The following GPR162 variants were observed in gnomAD, a reference collection of about 807,000 sequenced individuals.
GPR162 encodes the protein probable G protein-coupled receptor 162.
In GPR162, 26 loss-of-function variants were observed where a neutral mutation model predicts 44.9. That is an observed-to-expected ratio of 0.58 (90% CI 0.42 to 0.80). The LOEUF is 0.80. Among genes scored for constraint, GPR162 ranks in the 30% least tolerant of loss-of-function variants. The pLI, the probability that GPR162 is intolerant of heterozygous loss-of-function variation, is 0.00. For synonymous variants in GPR162, 363 were observed against 335.2 expected (o/e 1.08, Z -0.91); for missense variants, 704 against 802.3 (o/e 0.88, Z 1.48).
At position 6,826,499 on chromosome 12, in the gene GPR162, G is replaced by C. The variant is rs1236201110; in HGVS notation, c.1215+146G>C. 3.7e-6 allele frequency: 4 copies of C among 1,070,272 alleles called. No homozygotes were observed. In the African/African-American group the frequency reaches 6.3e-5, roughly 17 times the overall value. 66.3% of individuals were successfully genotyped at this position (1,070,272 alleles called of 1,614,324 possible). Reference sequence around the variant, plus strand: ...GTGAAAGAAAGCTATAGCAAGAGAGGCATCCCTTCAGACCTCGTGGGGCCA... The same window carrying C: ...GTGAAAGAAAGCTATAGCAAGAGAGCCATCCCTTCAGACCTCGTGGGGCCA... On this transcript the variant is annotated intron_variant, in intron 4 of 4. Transcript: ENST00000311268.
At position 6,825,674 on chromosome 12, in the gene GPR162, G is replaced by A; in HGVS notation, c.1057+1G>A. 1 of 1,562,448 alleles carries A rather than the reference G, an allele frequency of 6.4e-7. No individual in the cohort carries two copies. ...ATGTCTGAGGAGGATGGAGATGACG[G>A]TCAGAGGAGGGGCTGGGCTTTGGCT... On this transcript the variant is annotated splice_donor_variant, in intron 3 of 4. Coordinates refer to ENST00000311268, the MANE Select transcript of GPR162 (RefSeq NM_019858.2). LOFTEE classifies it high-confidence loss of function.
At position 6,824,495 on chromosome 12, in the gene GPR162, C is replaced by T; in HGVS notation, c.597C>T (p.Ala199=). ...TTGTCATGGGTCTGGTCTGTGTGGCCATCACCTTCTACCAGACACTGTGGG... is the reference window on the plus strand; with the variant it reads ...TTGTCATGGGTCTGGTCTGTGTGGCTATCACCTTCTACCAGACACTGTGGG... ...GGIVMGLVCV[A]ITFYQTLWAR... The change falls in exon 2 of 5, where the codon GCC becomes GCT. Residue 199 remains alanine, a synonymous_variant. Transcript: ENST00000311268. 3.7e-6 allele frequency: 6 copies of T among 1,613,560 alleles called. No homozygotes were observed. The highest frequency in any genetic ancestry group is 5.1e-6 in the Non-Finnish European group (6 of 1,179,804).
In GPR162 at chr12:6,827,130, G is replaced by C; in HGVS notation, c.1693G>C (p.Gly565Arg). The change falls in exon 5 of 5, where the codon GGT becomes CGT. Residue 565 changes from glycine to arginine, a missense_variant. Physicochemically the swap from Gly to Arg is moderately radical, Grantham distance 125 (BLOSUM62 -2). This residue lies in a region of GPR162 where 404 missense variants were observed against 314.1 expected (regional missense o/e 1.29). Coordinates refer to ENST00000311268, the MANE Select transcript of GPR162 (RefSeq NM_019858.2). ...AGGGAGACGCTGCTCCCTGACGGGG[G>C]GTGAAGAAAGTGCAAGGGCTTGGGG... ...SAGRRCSLTG[G>R]EESARAWGGS... 6.2e-7 allele frequency: 1 copy of C among 1,613,316 alleles called. No homozygotes were observed. The highest frequency in any genetic ancestry group is 8.5e-7 in the Non-Finnish European group (1 of 1,180,026).
intron 4 of GPR162, 107 bp downstream of exon 4, chr12:6,826,460 C>A: frequency 1.7e-6 from 2 of 1,209,550 alleles, no homozygotes; most frequent in Non-Finnish European, 2.3e-6. Context: ...GCTTTCAGGG[C>A]ACCATAGAGC....
rs1943340963 is a variant in GPR162 at position 6,825,375 on chromosome 12, G to A, written c.868-109G>A. The A allele has an allele frequency of 7.5e-6, 5 of 663,064 alleles. No individual in the cohort carries two copies. The Admixed American group carries it at 1.1e-4, about 14-fold the overall frequency. 41.1% of individuals were successfully genotyped at this position (663,064 alleles called of 1,614,324 possible). ...CGGCTTCGCCTCTGTTGGAGCACAG[G>A]GATCAGGCATTACTTCTGACGTCTT... is the stretch of plus-strand genomic sequence containing the variant. On this transcript the variant is annotated intron_variant, in intron 2 of 4. Coordinates refer to ENST00000311268, the MANE Select transcript of GPR162 (RefSeq NM_019858.2).
At position 6,827,257 on chromosome 12, in the gene GPR162, C is replaced by T; in HGVS notation, c.*53C>T. The T allele has an allele frequency of 1.4e-6, 2 of 1,418,686 alleles. No individual in the cohort carries two copies. The highest frequency in any genetic ancestry group is 2.7e-5 in the South Asian group (2 of 73,226). 87.9% of individuals were successfully genotyped at this position (1,418,686 alleles called of 1,614,324 possible). On this transcript the variant is annotated 3_prime_UTR_variant, in exon 5 of 5. Transcript: ENST00000311268. ...GAGAAAGCCTGAGTGAGTAACACCTCATTCTGGCCGAGAGTAGGGCAGCTG... is the reference window on the plus strand; with the variant it reads ...GAGAAAGCCTGAGTGAGTAACACCTTATTCTGGCCGAGAGTAGGGCAGCTG...
Position 6,823,705 on chromosome 12 carries a change from C to T in GPR162, c.-194C>T, listed in dbSNP as rs1555119490. On this transcript the variant is annotated 5_prime_UTR_variant, in exon 2 of 5. Transcript: ENST00000311268. ...ATTGCCTCTGCTGACCCTCAGTCTCCTCCCCTGCCCTCTACATCTGCCCTC... is the reference window on the plus strand; with the variant it reads ...ATTGCCTCTGCTGACCCTCAGTCTCTTCCCCTGCCCTCTACATCTGCCCTC... 5 of 1,562,342 alleles carry T rather than the reference C, an allele frequency of 3.2e-6. No homozygotes were observed. The highest frequency in any genetic ancestry group is 1.4e-5 in the African/African-American group (1 of 73,806).
intron 3 of GPR162, 138 bp downstream of exon 3, chr12:6,825,811 C>G: frequency 2.8e-6 from 2 of 721,712 alleles, no homozygotes; most frequent in Non-Finnish European, 4.6e-6. Context: ...GCTCCCCTTT[C>G]CCTAAGCAGG....
In GPR162 at chr12:6,826,342, C is replaced by T; in HGVS notation, c.1204C>T (p.His402Tyr). The T allele has an allele frequency of 6.2e-7, 1 of 1,612,770 alleles. No individual in the cohort carries two copies. The highest frequency in any genetic ancestry group is 1.7e-4 in the Middle Eastern group (1 of 6,058). ...GCTCTTCCCTCCTCTTGAGAGAGTC[C>T]ACTACTTACAGGTATGGAACTGGGG... ...HMLFPPLERV[H>Y]YLQVPLSRRL... is the part of the protein sequence containing the mutation. The change falls in exon 4 of 5, where the codon CAC (histidine) becomes TAC (tyrosine). Residue 402 changes from histidine (H) to tyrosine (Y), a missense_variant. Physicochemically the swap from His to Tyr is moderately conservative, Grantham distance 83. This residue lies in a region of GPR162 where 404 missense variants were observed against 314.1 expected (regional missense o/e 1.29). Coordinates refer to ENST00000311268, the MANE Select transcript of GPR162 (RefSeq NM_019858.2).
chr12:6,824,283 A>T lies in GPR162; in HGVS notation c.385A>T (p.Asn129Tyr). The change falls in exon 2 of 5, where the codon AAC (asparagine) becomes TAC (tyrosine). Residue 129 changes from asparagine to tyrosine, a missense_variant. Asn to Tyr is a moderately radical substitution (Grantham distance 143, BLOSUM62 -2). This residue lies in a region of GPR162 where 110 missense variants were observed against 206.2 expected (regional missense o/e 0.53). Transcript: ENST00000311268. ...CTGGCCCGTCAACTACCGCCTCAGCAACGCCAAGAAGCAGGCACTGCATGC... is the reference window on the plus strand; with the variant it reads ...CTGGCCCGTCAACTACCGCCTCAGCTACGCCAAGAAGCAGGCACTGCATGC... ...VRWPVNYRLS[N>Y]AKKQALHAVM... The T allele has an allele frequency of 6.2e-7, 1 of 1,614,112 alleles. No homozygotes were observed. Among genetic ancestry groups the T allele is most frequent in the Non-Finnish European group, 8.5e-7 (1 of 1,180,018 alleles).
chr12:6,826,224 C>A lies in GPR162; in HGVS notation c.1086C>A (p.Gly362=), dbSNP rs1555120018. The A allele has an allele frequency of 6.2e-7, 1 of 1,613,960 alleles. No individual in the cohort carries two copies. Among genetic ancestry groups the A allele is most frequent in the South Asian group, 1.1e-5 (1 of 91,082 alleles). The stretch of plus-strand genomic sequence containing the variant: ...GGGGCTGTGACGACTATGCAGAGGG[C>A]CGAGTTTGCAAAGTTCGCTTTGATG... ...DDGGCDDYAE[G]RVCKVRFDAN... is the part of the protein sequence containing the mutation. Residue 362 remains glycine, a synonymous_variant, in exon 4 of 5, where the codon GGC becomes GGA. Coordinates refer to ENST00000311268, the MANE Select transcript of GPR162 (RefSeq NM_019858.2).
Position 6,824,395 on chromosome 12 carries a change from G to A in GPR162, c.497G>A (p.Arg166His), listed in dbSNP as rs1555119660. The change falls in exon 2 of 5, where the codon CGC becomes CAC. Residue 166 changes from arginine (R) to histidine (H), a missense_variant. Physicochemically the swap from Arg to His is conservative, Grantham distance 29 (BLOSUM62 0). Around this residue, in one of 6 missense-constraint regions of GPR162, gnomAD observed 110 missense variants for 206.2 expected, o/e 0.53. Transcript: ENST00000311268. ...AACAACGGCGAGCGCTACTATGCCC[G>A]CGGCTGCCAGTTCATAGTCTCCAAG... The part of the protein sequence containing the change: ...WHNNGERYYA[R>H]GCQFIVSKIG... 10 of 1,614,076 alleles carry A rather than the reference G, an allele frequency of 6.2e-6. No individual in the cohort carries two copies. Among genetic ancestry groups the A allele is most frequent in the African/African-American group, 1.3e-5 (1 of 74,918 alleles).
chr12:6,825,732 G>C, intron 3 of GPR162, 59 bp downstream of exon 3: 1 of 1,426,120 alleles, frequency 7.0e-7, no homozygotes, highest in Non-Finnish European at 9.6e-7. Context: ...CTTTTCTGCC[G>C]CTCCTTCTCA....
chr12:6,825,119 T>C, intron 2 of GPR162: 2 of 518,906 alleles, frequency 3.9e-6, no homozygotes, highest in Non-Finnish European at 3.5e-6. Context: ...CCACTCTCCA[T>C]TCCCTCCTTC....
chr12:6,826,728 C>T lies in GPR162; in HGVS notation c.1291C>T (p.His431Tyr), dbSNP rs1206983707. Residue 431 changes from histidine to tyrosine, a missense_variant, in exon 5 of 5, where the codon CAC becomes TAC. Coordinates refer to ENST00000311268, the MANE Select transcript of GPR162 (RefSeq NM_019858.2). Reference protein sequence around the residue: ...STPREPGSFLHKWSSSDDIRV... With the variant: ...STPREPGSFLYKWSSSDDIRV... The stretch of plus-strand genomic sequence containing the variant: ...CCCTCGGGAACCAGGCTCCTTCCTG[C>T]ACAAGTGGTCATCCTCTGATGACAT... 1 of 1,580,318 alleles carries T rather than the reference C, an allele frequency of 6.3e-7. No homozygotes were observed. Among genetic ancestry groups the T allele is most frequent in the Non-Finnish European group, 8.6e-7 (1 of 1,165,182 alleles).
Position 6,827,126 on chromosome 12 carries a change from G to T in GPR162, c.1689G>T (p.Thr563=), listed in dbSNP as rs139203738. 2 of 1,612,274 alleles carry T rather than the reference G, an allele frequency of 1.2e-6. No homozygotes were observed. The highest frequency in any genetic ancestry group is 1.7e-5 in the Admixed American group (1 of 59,882). ...GLSAGRRCSL[T]GGEESARAWG... The stretch of plus-strand genomic sequence containing the variant: ...GCGCAGGGAGACGCTGCTCCCTGAC[G>T]GGGGGTGAAGAAAGTGCAAGGGCTT... The change falls in exon 5 of 5, where the codon ACG becomes ACT. Residue 563 remains threonine (T), a synonymous_variant. Transcript: ENST00000311268.
Position 6,826,665 on chromosome 12 carries a change from C to T in GPR162, c.1228C>T (p.Arg410Trp), listed in dbSNP as rs782708126. ...RVHYLQVPLS[R>W]RLSHDETNIF... Reference sequence around the variant, plus strand: ...CTCCTCTTCCCAGGTCCCCCTATCCCGGCGTCTGTCCCATGATGAGACAAA... The same window carrying T: ...CTCCTCTTCCCAGGTCCCCCTATCCTGGCGTCTGTCCCATGATGAGACAAA... Residue 410 changes from arginine (R) to tryptophan (W), a missense_variant, in exon 5 of 5, where the codon CGG becomes TGG. Physicochemically the swap from Arg to Trp is moderately radical, Grantham distance 101. Transcript: ENST00000311268. 2.0e-5 allele frequency: 31 copies of T among 1,521,304 alleles called. No homozygotes were observed. Among genetic ancestry groups the T allele is most frequent in the East Asian group, 6.8e-5 (3 of 44,096 alleles). 94.2% of individuals were successfully genotyped at this position (1,521,304 alleles called of 1,614,324 possible).
At position 6,822,233 on chromosome 12, in the gene GPR162, C is replaced by T. The variant is rs1164997831; in HGVS notation, c.-432+333C>T. Among the ~76,000 whole-genome samples, 1 of 152,162 alleles carries T rather than the reference C, an allele frequency of 6.6e-6. No homozygotes were observed. The highest frequency in any genetic ancestry group is 1.9e-4 in the East Asian group (1 of 5,174). ...TTTCATCCTGAGCCCACCAGCTGGG[C>T]CTGGGTGGAGGTGGGTGGGAAGGGG... On this transcript the variant is annotated intron_variant, in intron 1 of 4. Transcript: ENST00000311268. The surrounding 1 kb of genome is among the most constrained non-coding windows in gnomAD (Gnocchi z 4.2).
In GPR162 at chr12:6,823,541, A is replaced by G; in HGVS notation, c.-358A>G. On this transcript the variant is annotated 5_prime_UTR_variant, in exon 2 of 5. Coordinates refer to ENST00000311268, the MANE Select transcript of GPR162 (RefSeq NM_019858.2). Reference sequence around the variant, plus strand: ...AGATTCCTGACTGGTCAAGAACCAGAGGCAAAAGAGACCTGGAAGTCCCAG... The same window carrying G: ...AGATTCCTGACTGGTCAAGAACCAGGGGCAAAAGAGACCTGGAAGTCCCAG... 3 of 515,674 alleles carry G rather than the reference A, an allele frequency of 5.8e-6. No individual in the cohort carries two copies. The highest frequency in any genetic ancestry group is 1.0e-5 in the Non-Finnish European group (3 of 290,008). The allele number at this position is 515,674 out of a possible 1,614,324, so 31.9% of individuals were successfully genotyped here.
Sources: allele counts gnomAD v4.1 joint callset (sites outside exome capture counted in the v4.1 genomes callset), GRCh38; gene constraint gnomAD v4.1.1; regional missense constraint gnomAD v4.1.1; non-coding constraint Gnocchi (gnomAD v3.1); transcripts MANE v1.5; gene names NCBI Gene and HGNC (gene_info 2026-07-23, HGNC 2026-07-21).